The following PSD4 variants were observed in gnomAD, a reference collection of about 807,000 sequenced individuals.
The protein encoded by PSD4 is PH and SEC7 domain-containing protein 4.
In PSD4, 59 loss-of-function variants were observed where a neutral mutation model predicts 112.5. That is an observed-to-expected ratio of 0.52 (90% CI 0.43 to 0.65). PSD4 has a LOEUF of 0.65. PSD4 is among the 30% of genes least tolerant of loss of function. The probability of loss-of-function intolerance (pLI) is 0.00; values close to 1 mark genes in which losing one functional copy is unlikely to be tolerated. For synonymous variants in PSD4, 533 were observed against 540.0 expected (o/e 0.99, Z 0.18); for missense variants, 1,267 against 1,352.6 (o/e 0.94, Z 0.99).
Position 113,209,002 on chromosome 2 carries a change from C to A in PSD4, c.*7587C>A, listed in dbSNP as rs892571014. The A allele has an allele frequency of 2.6e-5, 4 of 152,178 alleles. No homozygotes were observed. Among genetic ancestry groups the A allele is most frequent in the African/African-American group, 9.7e-5 (4 of 41,426 alleles). 9.4% of individuals were successfully genotyped at this position (152,178 alleles called of 1,614,324 possible). ...CAGGACACAGCCCAGAGAAACTGAG[C>A]CTGAATTTGCTGCCATGTTTTGAGG... On this transcript the variant is annotated 3_prime_UTR_variant, in exon 17 of 17. Transcript: ENST00000245796.
intron 11 of PSD4, 38 bp from the exon 12 acceptor site, chr2:113,196,109 C>T: frequency 6.3e-7 from 1 of 1,590,106 alleles, no homozygotes; most frequent in Non-Finnish European, 8.6e-7. Flanking sequence ...GTTCTCTTTG[C>T]ATAGTCAGCA....
intron 4 of PSD4, 35 bp from the exon 5 acceptor site, chr2:113,185,842 G>T (rs545016613): frequency 1.7e-5 from 27 of 1,590,510 alleles, no homozygotes; most frequent in African/African-American, 1.5e-4. Flanking sequence ...CCTGCCTCCT[G>T]CCCTGTGCCC....
At position 113,183,446 on chromosome 2, in the gene PSD4, C is replaced by T. The variant is rs776608516; in HGVS notation, c.990C>T (p.Ile330=). 6.3e-7 allele frequency: 1 copy of T among 1,589,426 alleles called. No individual in the cohort carries two copies. The highest frequency in any genetic ancestry group is 8.6e-7 in the Non-Finnish European group (1 of 1,169,038). ...FPVPIYKPHS[I]CWASVAAAEG... The stretch of plus-strand genomic sequence containing the variant: ...TGCCCATCTATAAACCACACTCCAT[C>T]TGCTGGGCCTCAGTGGCTGCCGCTG... The change falls in exon 2 of 17, where the codon ATC becomes ATT. Residue 330 remains isoleucine, a synonymous_variant. Coordinates refer to ENST00000245796, the MANE Select transcript of PSD4 (RefSeq NM_012455.3).
chr2:113,193,281 T>C lies in PSD4; in HGVS notation c.1943T>C (p.Leu648Pro). Residue 648 changes from leucine to proline, a missense_variant, in exon 8 of 17, where the codon CTC becomes CCC. By Grantham distance (98) the Leu-to-Pro change is moderately conservative. Around this residue, in one of 2 missense-constraint regions of PSD4, gnomAD observed 544 missense variants for 648.6 expected, o/e 0.84. Transcript: ENST00000245796. Reference sequence around the variant, plus strand: ...AGGAGCTTCCTCCAGGCCTTGGTGCTCAGTGGGGAGACTCAGGAACGGGAG... The same window carrying C: ...AGGAGCTTCCTCCAGGCCTTGGTGCCCAGTGGGGAGACTCAGGAACGGGAG... ...ALRSFLQALV[L>P]SGETQERERI... is the part of the protein sequence containing the mutation. The C allele has an allele frequency of 6.3e-7, 1 of 1,591,182 alleles. No individual in the cohort carries two copies. The highest frequency in any genetic ancestry group is 8.5e-7 in the Non-Finnish European group (1 of 1,171,094).
rs1688179544 is a variant in PSD4, at chr2:113,182,756, C to G, written c.300C>G (p.Thr100=). Residue 100 remains threonine (T), a synonymous_variant, in exon 2 of 17, where the codon ACC becomes ACG. Transcript: ENST00000245796. ...QTRATDPPES[T]RQDAPPWGSG... is the part of the protein sequence containing the mutation. Reference sequence around the variant, plus strand: ...GGGCCACTGACCCTCCTGAATCTACCAGACAAGATGCTCCTCCCTGGGGCT... The same window carrying G: ...GGGCCACTGACCCTCCTGAATCTACGAGACAAGATGCTCCTCCCTGGGGCT... 6.3e-7 allele frequency: 1 copy of G among 1,594,510 alleles called. No individual in the cohort carries two copies. Among genetic ancestry groups the G allele is most frequent in the African/African-American group, 1.3e-5 (1 of 74,548 alleles).
At chr2:113,182,083 T>G (rs1688150967) in intron 1 of PSD4, among the ~76,000 whole-genome samples, 1 of 152,230 alleles carries the variant, frequency 6.6e-6, no homozygotes, top group Non-Finnish European at 1.5e-5. Flanking sequence ...CAGTTTGTTC[T>G]TTTCAGCTAA....
intron 16 of PSD4, among the ~76,000 whole-genome samples, chr2:113,200,569 C>T (rs1440650430): frequency 6.6e-6 from 1 of 152,216 alleles, no homozygotes; most frequent in East Asian, 1.9e-4. Context: ...CAGCTGGGAC[C>T]TTTAACAAGT....
rs45626940 is a variant in PSD4 at position 113,184,994 on chromosome 2, G to A, written c.1094G>A (p.Cys365Tyr). 4.4e-4 allele frequency: 716 copies of A among 1,614,244 alleles called. 8 individuals carry two copies. In the Middle Eastern group the frequency reaches 5.0e-3, roughly 11 times the overall value. ...GGTCCTGCTCCATCTGCAGCACCGT[G>A]TGTGGACGAAGCATTGACCTGGGAA... ...RLGPAPSAAP[C>Y]VDEALTWESG... Residue 365 changes from cysteine to tyrosine, a missense_variant, in exon 3 of 17, where the codon TGT becomes TAT. Coordinates refer to ENST00000245796, the MANE Select transcript of PSD4 (RefSeq NM_012455.3).
At chr2:113,179,220 C>T (rs533233270) in intron 1 of PSD4, among the ~76,000 whole-genome samples, 3 of 152,256 alleles carry the variant, frequency 2.0e-5, no homozygotes, top group South Asian at 2.1e-4. Context: ...GAAGTAGAAC[C>T]GTCTCAGGCC....
chr2:113,201,611 A>G lies in PSD4; in HGVS notation c.*196A>G, dbSNP rs1688781043. ...CTTTCCTAATATTGCTGTGCTCCCC[A>G]CCACCCCCATGGCAGTCCCTCCGCA... On this transcript the variant is annotated 3_prime_UTR_variant, in exon 17 of 17. Transcript: ENST00000245796. 1 of 759,876 alleles carries G rather than the reference A, an allele frequency of 1.3e-6. No homozygotes were observed. The highest frequency in any genetic ancestry group is 2.9e-5 in the Admixed American group (1 of 34,170). The allele number at this position is 759,876 out of a possible 1,614,324, so 47.1% of individuals were successfully genotyped here.
chr2:113,195,902 G>A lies in PSD4; in HGVS notation c.2225+132G>A. ...CCCTTGGAGTGAGGCAAAGCCAGAG[G>A]CAGGGCTCTGGGGAGAGAGCATAGA... On this transcript the variant is annotated intron_variant, in intron 11 of 16. Transcript: ENST00000245796. 6 of 1,305,168 alleles carry A rather than the reference G, an allele frequency of 4.6e-6. No individual in the cohort carries two copies. In the Admixed American group the frequency reaches 9.8e-5, roughly 21 times the overall value. The allele number at this position is 1,305,168 out of a possible 1,614,324, so 80.8% of individuals were successfully genotyped here. A position where few individuals can be genotyped will look rare whatever the true frequency, so the allele number is the denominator to read the frequency against.
Position 113,205,967 on chromosome 2 carries a change from C to T in PSD4, c.*4552C>T, listed in dbSNP as rs1688856332. The T allele has an allele frequency of 6.6e-6, 1 of 152,340 alleles. No individual in the cohort carries two copies. Among genetic ancestry groups the T allele is most frequent in the African/African-American group, 2.4e-5 (1 of 41,458 alleles). The allele number at this position is 152,340 out of a possible 1,614,324, so 9.4% of individuals were successfully genotyped here. A position where few individuals can be genotyped will look rare whatever the true frequency, so the allele number is the denominator to read the frequency against. Reference sequence around the variant, plus strand: ...CTCACCAGCTAACTGTGGCTTGCACCTTTACCTGTTCCCTTCATTTTCCCT... The same window carrying T: ...CTCACCAGCTAACTGTGGCTTGCACTTTTACCTGTTCCCTTCATTTTCCCT... On this transcript the variant is annotated 3_prime_UTR_variant, in exon 17 of 17. Coordinates refer to ENST00000245796, the MANE Select transcript of PSD4 (RefSeq NM_012455.3).
Position 113,182,839 on chromosome 2 carries a change from A to G in PSD4, c.383A>G (p.Asn128Ser), listed in dbSNP as rs1344521488. The G allele has an allele frequency of 1.9e-6, 3 of 1,613,754 alleles. No individual in the cohort carries two copies. Among genetic ancestry groups the G allele is most frequent in the African/African-American group, 1.3e-5 (1 of 75,056 alleles). ...SPSAQREHRQ[N>S]TASPGSPVNS... ...TCTGCCCAGAGGGAGCACAGGCAGA[A>G]CACAGCATCACCAGGGTCACCAGTG... is the stretch of plus-strand genomic sequence containing the variant. The change falls in exon 2 of 17, where the codon AAC becomes AGC. Residue 128 changes from asparagine to serine, a missense_variant. Physicochemically the swap from Asn to Ser is conservative, Grantham distance 46. Transcript: ENST00000245796.
intron 5 of PSD4, 67 bp from the exon 6 acceptor site, chr2:113,192,313 G>A (rs181384547): frequency 2.1e-5 from 31 of 1,507,250 alleles, no homozygotes; most frequent in Middle Eastern, 1.7e-4. Context: ...CGCTGAGCTC[G>A]GGGAACTCTT....
rs1217342844 is a variant in PSD4 at position 113,185,763 on chromosome 2, G to A, written c.1250-114G>A. 5 of 1,550,298 alleles carry A rather than the reference G, an allele frequency of 3.2e-6. No homozygotes were observed. The African/African-American group carries it at 6.8e-5, about 21-fold the overall frequency. Reference sequence around the variant, plus strand: ...AGGTCACTGCCCGAGGGAGGACAGGGCATGCTGCCAGGCTCCAGGGGAGGA... The same window carrying A: ...AGGTCACTGCCCGAGGGAGGACAGGACATGCTGCCAGGCTCCAGGGGAGGA... On this transcript the variant is annotated intron_variant, in intron 4 of 16. Coordinates refer to ENST00000245796, the MANE Select transcript of PSD4 (RefSeq NM_012455.3).
At chr2:113,179,987 G>A (rs945330135) in intron 1 of PSD4, among the ~76,000 whole-genome samples, 3 of 152,186 alleles carry the variant, frequency 2.0e-5, no homozygotes, top group Admixed American at 6.5e-5. Context: ...TAAAAACCCA[G>A]AAAGAGATTT....
chr2:113,198,867 C>A lies in PSD4; in HGVS notation c.2752C>A (p.Pro918Thr). The A allele has an allele frequency of 6.3e-7, 1 of 1,592,968 alleles. No individual in the cohort carries two copies. Among genetic ancestry groups the A allele is most frequent in the Non-Finnish European group, 8.5e-7 (1 of 1,176,402 alleles). Residue 918 changes from proline (P) to threonine (T), a missense_variant, in exon 15 of 17, where the codon CCC becomes ACC. Pro to Thr is a conservative substitution (Grantham distance 38). Around this residue, in one of 2 missense-constraint regions of PSD4, gnomAD observed 544 missense variants for 648.6 expected, o/e 0.84. Transcript: ENST00000245796. Reference sequence around the variant, plus strand: ...CGTGCGGCCCATCCTGCCCGTGGGCCCCGCCCAGAGCTCCCTGGTACGGCC... The same window carrying A: ...CGTGCGGCCCATCCTGCCCGTGGGCACCGCCCAGAGCTCCCTGGTACGGCC... The part of the protein sequence containing the change: ...RFVRPILPVG[P>T]AQSSLEEQHR...
In PSD4 at chr2:113,206,107, GGGCTCTTTGAGCCTATTCTCTA is replaced by G. The variant is rs1264413601; in HGVS notation, c.*4693_*4714del. ...ACCTCTCTCCTTCATGGGCCCACTG[GGGCTCTTTGAGCCTATTCTCTA>G]CCCCCTTCATTATCATGCCTTGCAA... On this transcript the variant is annotated 3_prime_UTR_variant, in exon 17 of 17. Transcript: ENST00000245796. The G allele has an allele frequency of 1.3e-5, 2 of 152,328 alleles. No individual in the cohort carries two copies. Among genetic ancestry groups the G allele is most frequent in the Admixed American group, 1.3e-4 (2 of 15,282 alleles). The allele number at this position is 152,328 out of a possible 1,614,324, so 9.4% of individuals were successfully genotyped here.
chr2:113,192,682 C>A, intron 6 of PSD4, 93 bp downstream of exon 6: 1 of 1,315,782 alleles, frequency 7.6e-7, no homozygotes, highest in East Asian at 2.4e-5. Context: ...CTCCCCTTCC[C>A]GTCCCTGCCC....
Sources: gnomAD v4.1 joint callset for allele counts (sites outside exome capture counted in the v4.1 genomes callset) on GRCh38, gnomAD v4.1.1 for gene constraint, gnomAD v4.1.1 regional missense constraint, MANE v1.5 for transcripts, NCBI Gene and HGNC (gene_info 2026-07-23, HGNC 2026-07-21) for gene names.